The following SLC25A43 variants were observed in gnomAD, a reference collection of about 807,000 sequenced individuals.
SLC25A43 encodes the protein solute carrier family 25, member 43.
Under a neutral mutation model 22.8 loss-of-function variants are expected in SLC25A43, and 10 were observed. The ratio of observed to expected loss-of-function variants is 0.44; its 90% CI spans 0.27 to 0.74. The LOEUF (loss-of-function observed/expected upper bound fraction) is 0.74. Among genes scored for constraint, SLC25A43 ranks in the 30% least tolerant of loss-of-function variants. SLC25A43 has a pLI of 0.17. For synonymous variants in SLC25A43, 106 were observed against 121.6 expected, an observed-to-expected ratio of 0.87 and a Z score of 0.84; for missense variants, 233 against 279.1, an observed-to-expected ratio of 0.83 and a Z score of 1.18.
chrX:119,418,029 A>G (rs906479112), intron 3 of SLC25A43, among the ~76,000 whole-genome samples: 1 of 110,948 alleles, frequency 9.0e-6, no homozygotes, highest in Admixed American at 9.7e-5. Context: ...TTCTCTGGCC[A>G]TTAGATGTCA....
chrX:119,423,037 C>A (rs896257271), intron 3 of SLC25A43: 3 of 111,323 alleles, frequency 2.7e-5, no homozygotes, highest in Non-Finnish European at 3.8e-5. Flanking sequence ...TCTCTGATAC[C>A]AAAATCCACT....
chrX:119,431,526 AAAG>A (rs1327070468), intron 3 of SLC25A43, among the ~76,000 whole-genome samples: 4 of 109,143 alleles, frequency 3.7e-5, no homozygotes, highest in Admixed American at 3.0e-4. Flanking sequence ...GAAAAAAAAA[AAAG>A]AAAAGAAAAG....
chrX:119,441,962 C>T (rs1197081560), intron 3 of SLC25A43, among the ~76,000 whole-genome samples: 2 of 111,028 alleles, frequency 1.8e-5, no homozygotes, highest in Non-Finnish European at 3.8e-5. Flanking sequence ...TGGTGGTGCA[C>T]ACCTGTAATC....
At chrX:119,421,026 C>T (rs1184236314) in intron 3 of SLC25A43, among the ~76,000 whole-genome samples, 3 of 103,016 alleles carry the variant, frequency 2.9e-5, no homozygotes, top group Middle Eastern at 4.7e-3. Context: ...GCGGGAGGAT[C>T]GCTTGAACCT....
In SLC25A43 at chrX:119,399,551, C is replaced by CGGGGACCGTGGGCCACA; in HGVS notation, c.152_168dup (p.His57AspfsTer73). 1 of 1,065,849 alleles carries CGGGGACCGTGGGCCACA rather than the reference C, an allele frequency of 9.4e-7. No homozygotes were observed. Among genetic ancestry groups the CGGGGACCGTGGGCCACA allele is most frequent in the Non-Finnish European group, 1.2e-6 (1 of 826,603 alleles). The allele number at this position is 1,065,849 out of a possible 1,213,427, so 87.8% of individuals were successfully genotyped here. A position where few individuals can be genotyped will look rare whatever the true frequency, so the allele number is the denominator to read the frequency against. On this transcript the variant is annotated frameshift_variant, in exon 1 of 5. Transcript: ENST00000217909. LOFTEE classifies it high-confidence loss of function. ...GGTTGGCGTCGTGCGAGGCCACGCC[C>CGGGGACCGTGGGCCACA]GGGGACCGTGGGCCACAGGGCACCG... is the stretch of plus-strand genomic sequence containing the variant.
rs745969261 is a variant in SLC25A43, at chrX:119,409,862, C to T, written c.518-328C>T. Among the ~76,000 whole-genome samples the T allele has an allele frequency of 1.1e-4, 12 of 111,867 alleles. No homozygotes were observed. The South Asian group carries it at 3.7e-3, about 35-fold the overall frequency. ...AACTCCTGACCTCAGGTGATCCTCC[C>T]GCCTTGGCCTCCCAAAGTGCTGGGA... On this transcript the variant is annotated intron_variant, in intron 2 of 4. Transcript: ENST00000217909.
rs1231113834 is a variant in SLC25A43 at position 119,405,333 on chromosome X, C to A, written c.276-1127C>A. On this transcript the variant is annotated intron_variant, in intron 1 of 4. Coordinates refer to ENST00000217909, the MANE Select transcript of SLC25A43 (RefSeq NM_145305.3). Reference sequence around the variant, plus strand: ...AAGCAAAAGAGCTAGCCTAGAACCCCTTAAATGCTTTCACCTGAATGCCCA... The same window carrying A: ...AAGCAAAAGAGCTAGCCTAGAACCCATTAAATGCTTTCACCTGAATGCCCA... Among the ~76,000 whole-genome samples, 32 of 110,343 alleles carry A rather than the reference C, an allele frequency of 2.9e-4. 1 individual carries two copies. The highest frequency in any genetic ancestry group is 3.2e-4 in the Non-Finnish European group (17 of 52,987).
chrX:119,430,933 T>A (rs1293039330), intron 3 of SLC25A43, among the ~76,000 whole-genome samples: 1 of 111,871 alleles, frequency 8.9e-6, no homozygotes, highest in African/African-American at 3.3e-5. Flanking sequence ...TCAGTGTACA[T>A]GCTTTGGCAG....
chrX:119,399,466 G>C lies in SLC25A43; in HGVS notation c.63G>C (p.Leu21=). 9.4e-7 allele frequency: 1 copy of C among 1,060,942 alleles called. No individual in the cohort carries two copies. The highest frequency in any genetic ancestry group is 1.2e-6 in the Non-Finnish European group (1 of 823,980). The allele number at this position is 1,060,942 out of a possible 1,213,427, so 87.4% of individuals were successfully genotyped here. ...TGGQRLLCAG[L]AGTLSLSLTA... is the part of the protein sequence containing the mutation. The stretch of plus-strand genomic sequence containing the variant: ...GCCAAAGGCTGCTGTGCGCTGGGCT[G>C]GCGGGGACGCTCAGCCTCAGCCTCA... Residue 21 remains leucine, a synonymous_variant, in exon 1 of 5, where the codon CTG becomes CTC. Coordinates refer to ENST00000217909, the MANE Select transcript of SLC25A43 (RefSeq NM_145305.3).
At chrX:119,450,752 AC>A (rs58982925) in intron 3 of SLC25A43, among the ~76,000 whole-genome samples, 24,869 of 112,184 alleles carry the variant, frequency 0.22, 2,340 homozygotes, top group African/African-American at 0.35. Flanking sequence ...TCTAAACTCA[AC>A]ACCATTTCTG....
intron 3 of SLC25A43, among the ~76,000 whole-genome samples, chrX:119,419,111 A>G (rs959710646): frequency 1.8e-5 from 2 of 112,045 alleles, no homozygotes; most frequent in Non-Finnish European, 3.8e-5. Flanking sequence ...AGGCTGGGGA[A>G]TACTGCCCTG....
chrX:119,450,564 CAAGT>C (rs1241353432), intron 3 of SLC25A43, among the ~76,000 whole-genome samples: 1 of 111,581 alleles, frequency 9.0e-6, no homozygotes, highest in Non-Finnish European at 1.9e-5. Context: ...GTCACAGGGC[CAAGT>C]AAGTGAAGAA....
At chrX:119,442,038 C>T (rs1444256399) in intron 3 of SLC25A43, among the ~76,000 whole-genome samples, 2 of 111,410 alleles carry the variant, frequency 1.8e-5, no homozygotes, top group Non-Finnish European at 1.9e-5. Context: ...TGCAATGAGC[C>T]GAGATTGCGC....
intron 3 of SLC25A43, among the ~76,000 whole-genome samples, chrX:119,447,298 T>C (rs927358728): frequency 1.8e-5 from 2 of 109,590 alleles, no homozygotes; most frequent in Non-Finnish European, 3.8e-5. Flanking sequence ...TGCTCCACCA[T>C]CCAATAAACT....
chrX:119,399,569 G>A lies in SLC25A43; in HGVS notation c.166G>A (p.Gly56Arg). 1 of 1,050,750 alleles carries A rather than the reference G, an allele frequency of 9.5e-7. No individual in the cohort carries two copies. Among genetic ancestry groups the A allele is most frequent in the South Asian group, 2.6e-5 (1 of 38,982 alleles). 86.6% of individuals were successfully genotyped at this position (1,050,750 alleles called of 1,213,427 possible). ...CCACGCCCGGGGACCGTGGGCCACA[G>A]GGCACCGGGTGTGGCGGGCAGAGGG... ...RGHARGPWAT[G>R]HRVWRAEGLR... The change falls in exon 1 of 5, where the codon GGG becomes AGG. Residue 56 changes from glycine to arginine, a missense_variant. Transcript: ENST00000217909.
chrX:119,451,709 T>C, intron 3 of SLC25A43: 2 of 591,962 alleles, frequency 3.4e-6, no homozygotes, highest in Non-Finnish European at 4.5e-6. Context: ...ATGTTTATCA[T>C]GTCCAGAAGG....
In SLC25A43 at chrX:119,410,356, G is replaced by A. The variant is rs1389567117; in HGVS notation, c.684G>A (p.Lys228=). 7 of 1,209,316 alleles carry A rather than the reference G, an allele frequency of 5.8e-6. No individual in the cohort carries two copies. The African/African-American group carries it at 1.1e-4, about 18-fold the overall frequency. ...TTCCCTTTGAGACCGTGAAGAGAAA[G>A]ATGCAGGTGAGGAGTTATCAGAGTG... is the stretch of plus-strand genomic sequence containing the variant. ...LSFPFETVKR[K]MQAQSPYLPH... Residue 228 remains lysine (K), a synonymous_variant, in exon 3 of 5, where the codon AAG becomes AAA. Coordinates refer to ENST00000217909, the MANE Select transcript of SLC25A43 (RefSeq NM_145305.3).
Position 119,452,943 on chromosome X carries a change from C to T in SLC25A43, c.904C>T (p.Leu302=). Residue 302 remains leucine (L), a synonymous_variant, in exon 5 of 5, where the codon CTG becomes TTG. Coordinates refer to ENST00000217909, the MANE Select transcript of SLC25A43 (RefSeq NM_145305.3). ...RICLYQNGYI[L]SPLSYKLTPG... Reference sequence around the variant, plus strand: ...CTGTCTTTATCAAAATGGTTACATTCTGTCTCCACTGAGCTATAAATTGAC... The same window carrying T: ...CTGTCTTTATCAAAATGGTTACATTTTGTCTCCACTGAGCTATAAATTGAC... 1 of 1,209,236 alleles carries T rather than the reference C, an allele frequency of 8.3e-7. No homozygotes were observed. Among genetic ancestry groups the T allele is most frequent in the East Asian group, 3.0e-5 (1 of 33,864 alleles).
chrX:119,416,661 C>A (rs917663462), intron 3 of SLC25A43, among the ~76,000 whole-genome samples: 7 of 112,378 alleles, frequency 6.2e-5, no homozygotes, highest in African/African-American at 2.3e-4. Flanking sequence ...ATGTAAAACC[C>A]ATACACTTGG....
Sources: allele counts gnomAD v4.1 joint callset (sites outside exome capture counted in the v4.1 genomes callset), GRCh38; gene constraint gnomAD v4.1.1; transcripts MANE v1.5; gene names NCBI Gene and HGNC (gene_info 2026-07-23, HGNC 2026-07-21).